The following ADGRL2 variants were observed in gnomAD, a reference collection of about 807,000 sequenced individuals.
ADGRL2 encodes adhesion G protein-coupled receptor L2.
In ADGRL2, 44 loss-of-function variants were observed where a neutral mutation model predicts 157.4. That is an observed-to-expected ratio of 0.28 (90% confidence interval 0.22 to 0.36). ADGRL2 has a LOEUF of 0.36. ADGRL2 is among the 10% of genes least tolerant of loss of function. The probability of loss-of-function intolerance (pLI) is 1.00; values close to 1 mark genes in which losing one functional copy is unlikely to be tolerated. For synonymous variants in ADGRL2, 585 were observed against 624.7 expected, an observed-to-expected ratio of 0.94 and a Z score of 0.95; for missense variants, 1,510 against 1,768.9, an observed-to-expected ratio of 0.85 and a Z score of 2.63.
At chr1:81,711,929 C>T (rs914291422) in intron 1 of ADGRL2, among the ~76,000 whole-genome samples, 1 of 151,978 alleles carries the variant, frequency 6.6e-6, no homozygotes, top group Non-Finnish European at 1.5e-5. Flanking sequence ...GTAATAAGTA[C>T]AATGATAGAG....
chr1:81,390,672 A>G (rs988858462), intron 1 of ADGRL2, among the ~76,000 whole-genome samples: 1 of 152,308 alleles, frequency 6.6e-6, no homozygotes. Flanking sequence ...AGGGAATTAT[A>G]CTGTACATTC....
At chr1:81,522,771 G>A (rs1289571085) in intron 2 of ADGRL2, among the ~76,000 whole-genome samples, 1 of 152,068 alleles carries the variant, frequency 6.6e-6, no homozygotes, top group Non-Finnish European at 1.5e-5. Context: ...AAATTATTAG[G>A]ATGATAAAGC....
intron 2 of ADGRL2, among the ~76,000 whole-genome samples, chr1:81,484,923 ATC>A (rs1557725653): frequency 6.6e-6 from 1 of 152,128 alleles, no homozygotes. Flanking sequence ...TGTTTACAAA[ATC>A]CAGTTTTGTT....
chr1:81,545,209 A>G (rs1330592103), intron 2 of ADGRL2, among the ~76,000 whole-genome samples: 4 of 151,978 alleles, frequency 2.6e-5, no homozygotes, highest in Non-Finnish European at 5.9e-5. Context: ...ACACTAAAAT[A>G]TTTTACCCAA....
intron 1 of ADGRL2, among the ~76,000 whole-genome samples, chr1:81,726,742 G>A (rs1004956788): frequency 2.0e-5 from 3 of 152,072 alleles, no homozygotes; most frequent in Non-Finnish European, 4.4e-5. Context: ...TTCATTTCAC[G>A]TTATATAGCT....
intron 3 of ADGRL2, among the ~76,000 whole-genome samples, chr1:81,599,977 C>T (rs1465512894): frequency 2.0e-5 from 3 of 152,102 alleles, no homozygotes; most frequent in African/African-American, 2.4e-5. Flanking sequence ...CTATTATTTT[C>T]GTTCCTAAGA....
At chr1:81,411,743 A>G (rs922568689) in intron 1 of ADGRL2, among the ~76,000 whole-genome samples, 1 of 151,916 alleles carries the variant, frequency 6.6e-6, no homozygotes, top group Non-Finnish European at 1.5e-5. Context: ...AGCTGGGCAC[A>G]GTGGCGGGCG....
chr1:81,624,845 G>A (rs373766758), intron 3 of ADGRL2, among the ~76,000 whole-genome samples: 10 of 152,126 alleles, frequency 6.6e-5, no homozygotes, highest in African/African-American at 1.7e-4. Flanking sequence ...CTCCAATTCC[G>A]TATAAAAGAA....
At chr1:81,550,288 C>A (rs1189114673) in intron 2 of ADGRL2, among the ~76,000 whole-genome samples, 1 of 152,148 alleles carries the variant, frequency 6.6e-6, no homozygotes, top group African/African-American at 2.4e-5. Context: ...AAGCTAGAAT[C>A]TCATTTGATC....
chr1:81,582,027 C>G (rs1432234577), intron 3 of ADGRL2, among the ~76,000 whole-genome samples: 1 of 151,940 alleles, frequency 6.6e-6, no homozygotes, highest in African/African-American at 2.4e-5. Context: ...TTGAGACCAG[C>G]CTGGCCAACA....
chr1:81,397,787 A>T (rs777342022), intron 1 of ADGRL2, among the ~76,000 whole-genome samples: 1 of 152,228 alleles, frequency 6.6e-6, no homozygotes, highest in Non-Finnish European at 1.5e-5. Context: ...TGTATTCTGC[A>T]GCTGTTGGAT....
chr1:81,451,036 A>G (rs1416197656), intron 2 of ADGRL2, among the ~76,000 whole-genome samples: 1 of 151,998 alleles, frequency 6.6e-6, no homozygotes, highest in African/African-American at 2.4e-5. Flanking sequence ...ATCTCTTCTC[A>G]TTTATTATTC....
chr1:81,660,322 T>G (rs2082625015), intron 3 of ADGRL2, among the ~76,000 whole-genome samples: 1 of 152,184 alleles, frequency 6.6e-6, no homozygotes, highest in Admixed American at 6.5e-5. Flanking sequence ...TTTTCCAAAC[T>G]GTTAATAGGT....
chr1:81,459,729 TACAC>T (rs1242999984), intron 2 of ADGRL2, among the ~76,000 whole-genome samples: 1 of 150,236 alleles, frequency 6.7e-6, no homozygotes, highest in Non-Finnish European at 1.5e-5. Context: ...TACACACACA[TACAC>T]ACACATATAT....
Position 81,570,363 on chromosome 1 carries a change from G to A in ADGRL2, c.-247-10513G>A, listed in dbSNP as rs557806941. 9.2e-5 allele frequency among the ~76,000 whole-genome samples: 14 copies of A among 152,116 alleles called. No homozygotes were observed. The East Asian group carries it at 2.7e-3, about 29-fold the overall frequency. On this transcript the variant is annotated intron_variant, in intron 2 of 24. Coordinates refer to the ADGRL2 transcript ENST00000370721. ...GCTACTCATTCATATTTTTAACATG[G>A]AGGATATTACATTCGTTTGTTTGTT...
intron 1 of ADGRL2, among the ~76,000 whole-genome samples, chr1:81,423,347 C>T (rs2077158799): frequency 6.6e-6 from 1 of 152,190 alleles, no homozygotes; most frequent in African/African-American, 2.4e-5. Flanking sequence ...GTGAATGGAG[C>T]TGGCAGGCAG....
intron 1 of ADGRL2, among the ~76,000 whole-genome samples, chr1:81,343,360 G>A (rs922313967): frequency 6.6e-6 from 1 of 151,638 alleles, no homozygotes; most frequent in Admixed American, 6.6e-5. Flanking sequence ...AAAGTACTGG[G>A]ATTATAGGCA....
chr1:81,796,419 C>T (rs2087590220), upstream of ADGRL2, among the ~76,000 whole-genome samples: 3 of 152,148 alleles, frequency 2.0e-5, no homozygotes, highest in Admixed American at 6.5e-5. Flanking sequence ...ACTTTGTGAT[C>T]TGACAGAAGC....
chr1:81,773,267 G>C (rs2149353740), intron 2 of ADGRL2, among the ~76,000 whole-genome samples: 1 of 152,316 alleles, frequency 6.6e-6, no homozygotes, highest in East Asian at 1.9e-4. Flanking sequence ...TATTTGAGTT[G>C]AGTTTCTGTA....
Sources: gnomAD v4.1 joint callset for allele counts (sites outside exome capture counted in the v4.1 genomes callset) on GRCh38, gnomAD v4.1.1 for gene constraint, MANE v1.5 for transcripts, NCBI Gene and HGNC (gene_info 2026-07-23, HGNC 2026-07-21) for gene names.